Variants in SVOPL observed in about 807,000 individuals in gnomAD.
SVOPL encodes the protein putative transporter SVOPL.
In SVOPL, 60 loss-of-function variants were observed where a neutral mutation model predicts 61.0. That is an observed-to-expected ratio of 0.98 (90% confidence interval 0.80 to 1.22). The LOEUF is 1.22. Among genes scored for constraint, SVOPL ranks in the 50% most tolerant of loss-of-function variants. The pLI is 0.00. For synonymous variants in SVOPL, 279 were observed against 250.0 expected, an observed-to-expected ratio of 1.12 and a Z score of -1.09; for missense variants, 662 against 643.9, an observed-to-expected ratio of 1.03 and a Z score of -0.30.
intron 6 of SVOPL, among the ~76,000 whole-genome samples, chr7:138,659,321 G>A (rs1257196733): frequency 3.3e-5 from 5 of 151,902 alleles, no homozygotes; most frequent in African/African-American, 1.2e-4. Flanking sequence ...GCGAAACCCC[G>A]TCTCTACTAA....
At chr7:138,632,060 T>A (rs1246354615) in intron 9 of SVOPL, among the ~76,000 whole-genome samples, 3 of 152,106 alleles carry the variant, frequency 2.0e-5, no homozygotes, top group African/African-American at 7.2e-5. Context: ...TGATGCTCAT[T>A]TCATTAACCA....
rs552819734 is a variant in SVOPL, at chr7:138,660,849, G to T, written c.346-861C>A. The T allele has an allele frequency of 8.5e-5, 84 of 984,126 alleles. No homozygotes were observed. In the African/African-American group the frequency reaches 1.4e-3, roughly 17 times the overall value. 61.0% of individuals were successfully genotyped at this position (984,126 alleles called of 1,614,324 possible). ...CCAACAGGGTGTTATATATAGTAAGGGTGTCTATATACTTGCAAGTCATGA... is the reference window on the plus strand; with the variant it reads ...CCAACAGGGTGTTATATATAGTAAGTGTGTCTATATACTTGCAAGTCATGA... On this transcript the variant is annotated intron_variant, in intron 5 of 15. Coordinates refer to ENST00000674285, the MANE Select transcript of SVOPL (RefSeq NM_001139456.2).
chr7:138,596,188 TAAAA>T (rs34972084), intron 15 of SVOPL, among the ~76,000 whole-genome samples: 2 of 120,342 alleles, frequency 1.7e-5, no homozygotes, highest in Non-Finnish European at 3.4e-5. Context: ...GACTCTGTCT[TAAAA>T]AAAAAAAAAA....
In SVOPL at chr7:138,597,029, G is replaced by C. The variant is rs1798307899; in HGVS notation, c.1354-499C>G. The C allele has an allele frequency of 1.6e-5, 18 of 1,156,072 alleles. No individual in the cohort carries two copies. In the South Asian group the frequency reaches 3.2e-4, roughly 21 times the overall value. 71.6% of individuals were successfully genotyped at this position (1,156,072 alleles called of 1,614,324 possible). A position where few individuals can be genotyped will look rare whatever the true frequency, so the allele number is the denominator to read the frequency against. ...CTAATGTGTCTTGTCTCCGGTTATG[G>C]AGTTGTGTGACACCAAAACTCTTTG... is the stretch of plus-strand genomic sequence containing the variant. On this transcript the variant is annotated intron_variant, in intron 14 of 15. Transcript: ENST00000674285.
intron 14 of SVOPL, among the ~76,000 whole-genome samples, chr7:138,614,859 A>G (rs964104109): frequency 2.6e-5 from 4 of 152,094 alleles, no homozygotes; most frequent in Non-Finnish European, 4.4e-5. Context: ...CTCTTTGAGG[A>G]GATTTTATAG....
At chr7:138,621,974 G>GTATCTATCTATGTATC (rs1799615519) in intron 13 of SVOPL, among the ~76,000 whole-genome samples, 1 of 7,412 alleles carries the variant, frequency 1.3e-4, no homozygotes, top group African/African-American at 4.9e-4. Flanking sequence ...ATCTATCTAT[G>GTATCTATCTATGTATC]TATCTATCTA....
chr7:138,613,523 C>A (rs1006664594), intron 14 of SVOPL, among the ~76,000 whole-genome samples: 33 of 152,018 alleles, frequency 2.2e-4, no homozygotes, highest in African/African-American at 7.7e-4. Context: ...CACCTCGAGG[C>A]CCTCAAACCA....
At chr7:138,617,684 A>G (rs1049197525) in intron 14 of SVOPL, among the ~76,000 whole-genome samples, 6 of 152,116 alleles carry the variant, frequency 3.9e-5, no homozygotes, top group Non-Finnish European at 8.8e-5. Flanking sequence ...AAATTCAAAA[A>G]AATTAGCCAG....
intron 14 of SVOPL, among the ~76,000 whole-genome samples, chr7:138,618,393 G>C (rs1463763168): frequency 6.6e-6 from 1 of 151,916 alleles, no homozygotes; most frequent in African/African-American, 2.4e-5. Context: ...GGGCACGGTG[G>C]CTCACACCTG....
intron 7 of SVOPL, among the ~76,000 whole-genome samples, chr7:138,655,566 CACACGCACACACACACACACCCCT>C (rs1329523736): frequency 1.3e-5 from 2 of 148,576 alleles, no homozygotes; most frequent in Non-Finnish European, 3.0e-5. Flanking sequence ...ATAAGCTACA[CACACGCACACACACACACACCCCT>C]ACACACACAC....
chr7:138,602,285 G>A lies in SVOPL; in HGVS notation c.1354-5755C>T, dbSNP rs559266253. ...TTCAGTTTCCCATTGCTTGTAAATA[G>A]CAGAAAAAAATAAAATGCAAACAAT... On this transcript the variant is annotated intron_variant, in intron 14 of 15. Transcript: ENST00000674285. Among the ~76,000 whole-genome samples the A allele has an allele frequency of 1.9e-4, 29 of 152,072 alleles. No homozygotes were observed. The East Asian group carries it at 5.4e-3, about 28-fold the overall frequency.
rs71179722 is a variant in SVOPL, at chr7:138,687,228, C to CTTTT, written c.-34-8153_-34-8150dup. ...AAGCTCTTTTTTTTCCTTTTTTCCT[C>CTTTT]TTTTTTTTTTTTTTTTTTTTTTTTG... On this transcript the variant is annotated intron_variant, in intron 1 of 15. Transcript: ENST00000674285. Among the ~76,000 whole-genome samples, 252 of 77,012 alleles carry CTTTT rather than the reference C, an allele frequency of 3.3e-3. 1 individual carries two copies. Among genetic ancestry groups the CTTTT allele is most frequent in the Middle Eastern group, 0.011 (1 of 88 alleles). 50.5% of individuals were successfully genotyped at this position (77,012 alleles called of 152,430 possible). A position where few individuals can be genotyped will look rare whatever the true frequency, so the allele number is the denominator to read the frequency against.
intron 12 of SVOPL, 120 bp from the exon 13 acceptor site, chr7:138,626,170 G>A: frequency 1.0e-6 from 1 of 954,672 alleles, no homozygotes; most frequent in Non-Finnish European, 1.6e-6. Context: ...AGAACCCGAG[G>A]GAGGTGCTGC....
Position 138,621,063 on chromosome 7 carries a change from C to G in SVOPL, c.1336G>C (p.Ala446Pro), listed in dbSNP as rs369819851. The G allele has an allele frequency of 1.9e-6, 3 of 1,613,504 alleles. No individual in the cohort carries two copies. The highest frequency in any genetic ancestry group is 3.3e-5 in the Admixed American group (2 of 59,930). ...GSLCRIGAMV[A>P]PFISQVLMSA... is the part of the protein sequence containing the mutation. ...GGCTGTACCTGGGATATAAATGGTGCCACCATTGCACCAATGCGACACAGG... is the reference window on the plus strand; with the variant it reads ...GGCTGTACCTGGGATATAAATGGTGGCACCATTGCACCAATGCGACACAGG... The change falls in exon 14 of 16, where the codon GCA (alanine) becomes CCA (proline). Residue 446 changes from alanine to proline, a missense_variant. By Grantham distance (27) the Ala-to-Pro change is conservative. Transcript: ENST00000674285.
At chr7:138,634,732 A>G (rs6969047) in intron 9 of SVOPL, among the ~76,000 whole-genome samples, 11,034 of 151,266 alleles carry the variant, frequency 0.073, 473 homozygotes, top group East Asian at 0.14. Context: ...GGAGGCTGAG[A>G]TGGGAGGATT....
At chr7:138,609,724 G>A (rs1372041920) in intron 14 of SVOPL, among the ~76,000 whole-genome samples, 1 of 150,692 alleles carries the variant, frequency 6.6e-6, no homozygotes, top group Non-Finnish European at 1.5e-5. Context: ...TTTTTTGGGG[G>A]GGGTGGGGGC....
intron 14 of SVOPL, among the ~76,000 whole-genome samples, chr7:138,612,424 T>TAAAAAAA (rs1281500368): frequency 2.9e-4 from 12 of 41,182 alleles, no homozygotes; most frequent in Admixed American, 5.6e-4. Flanking sequence ...AAAAAAAAAA[T>TAAAAAAA]AAAATAAAAA....
chr7:138,597,982 C>T (rs1798350645), intron 14 of SVOPL, among the ~76,000 whole-genome samples: 1 of 152,110 alleles, frequency 6.6e-6, no homozygotes, highest in Non-Finnish European at 1.5e-5. Context: ...GGCTTTTTGC[C>T]TTCCCTGAAG....
chr7:138,628,015 G>A, intron 11 of SVOPL, 143 bp downstream of exon 11: 2 of 908,024 alleles, frequency 2.2e-6, no homozygotes, highest in Non-Finnish European at 3.4e-6. Flanking sequence ...AATCCAAACT[G>A]GAGATTTTTC....
Sources: gnomAD v4.1 joint callset for allele counts (sites outside exome capture counted in the v4.1 genomes callset) on GRCh38, gnomAD v4.1.1 for gene constraint, MANE v1.5 for transcripts, NCBI Gene and HGNC (gene_info 2026-07-23, HGNC 2026-07-21) for gene names.